The following MED13L variants were observed in gnomAD, a reference collection of about 807,000 sequenced individuals.
MED13L encodes mediator of RNA polymerase II transcription subunit 13-like.
MED13L carries 7 observed loss-of-function variants against 220.9 expected under a neutral mutation model. The ratio of observed to expected loss-of-function variants is 0.03; its 90% CI spans 0.02 to 0.06. The LOEUF is 0.06. Ranked by LOEUF, MED13L falls within the 10% of genes least tolerant of loss-of-function variation. MED13L has a pLI of 1.00. For synonymous variants in MED13L, 1,011 were observed against 1,015.2 expected, an observed-to-expected ratio of 1.00 and a Z score of 0.08; for missense variants, 1,965 against 2,760.5, an observed-to-expected ratio of 0.71 and a Z score of 6.46.
chr12:116,182,987 G>C (rs1880630304), intron 2 of MED13L, among the ~76,000 whole-genome samples: 1 of 152,084 alleles, frequency 6.6e-6, no homozygotes, highest in African/African-American at 2.4e-5. Flanking sequence ...CAGACAGGCA[G>C]TGAATGTTAA....
At position 116,138,458 on chromosome 12, in the gene MED13L, A is replaced by G. The variant is rs1056709605; in HGVS notation, c.311-26946T>C. Among the ~76,000 whole-genome samples the G allele has an allele frequency of 2.7e-3, 406 of 152,248 alleles. 3 individuals are homozygous for G. Among genetic ancestry groups the G allele is most frequent in the Non-Finnish European group, 1.3e-3 (91 of 68,010 alleles). ...GGGTGGTCCCTGGAATTCTCTCTCA[A>G]TGTTCTTTTCTGCAAGGGAAGCAGC... On this transcript the variant is annotated intron_variant, in intron 2 of 30. Transcript: ENST00000281928.
At chr12:116,109,269 C>T (rs1299344580) in intron 3 of MED13L, among the ~76,000 whole-genome samples, 1 of 151,450 alleles carries the variant, frequency 6.6e-6, no homozygotes, top group Non-Finnish European at 1.5e-5. Context: ...CATGGTCTCA[C>T]CATGTTTCCC....
chr12:116,256,390 A>C (rs1230916490), intron 1 of MED13L, among the ~76,000 whole-genome samples: 2 of 151,962 alleles, frequency 1.3e-5, no homozygotes, highest in African/African-American at 2.4e-5. Context: ...AAAGGGCAAA[A>C]TGATTCTACA....
chr12:115,990,294 T>C (rs1014967536), intron 17 of MED13L, among the ~76,000 whole-genome samples: 1 of 152,248 alleles, frequency 6.6e-6, no homozygotes, highest in Non-Finnish European at 1.5e-5. Flanking sequence ...CATGCTTTTA[T>C]CACTTATAAA....
At chr12:116,121,751 A>C (rs1233874077) in intron 2 of MED13L, among the ~76,000 whole-genome samples, 1 of 152,046 alleles carries the variant, frequency 6.6e-6, no homozygotes, top group African/African-American at 2.4e-5. Context: ...AACACTTCTT[A>C]CTCCCACCTA....
At chr12:116,233,837 CA>C (rs924362337) in intron 2 of MED13L, among the ~76,000 whole-genome samples, 1 of 152,166 alleles carries the variant, frequency 6.6e-6, no homozygotes, top group Non-Finnish European at 1.5e-5. Flanking sequence ...AACAATTCCC[CA>C]GACAGGAACC....
chr12:116,178,378 T>C (rs1185439600), intron 2 of MED13L, among the ~76,000 whole-genome samples: 3 of 152,240 alleles, frequency 2.0e-5, no homozygotes, highest in Non-Finnish European at 4.4e-5. Flanking sequence ...GCCAGAGTCC[T>C]AAGGACTTGC....
At chr12:116,052,671 T>G (rs957819257) in intron 4 of MED13L, among the ~76,000 whole-genome samples, 22 of 152,182 alleles carry the variant, frequency 1.4e-4, no homozygotes, top group Admixed American at 1.2e-3. Context: ...ATTACACCAT[T>G]TTGACAAATT....
intron 17 of MED13L, 66 bp downstream of exon 17, chr12:115,990,954 A>C: frequency 6.4e-7 from 1 of 1,552,474 alleles, no homozygotes. Context: ...TACAGTAAAG[A>C]AAGCTTTTAA....
chr12:116,155,444 T>C (rs1220432364), intron 2 of MED13L, among the ~76,000 whole-genome samples: 1 of 152,096 alleles, frequency 6.6e-6, no homozygotes, highest in Non-Finnish European at 1.5e-5. Flanking sequence ...TTCTCTTTAA[T>C]GTTCTGAATA....
Position 116,160,569 on chromosome 12 carries a change from G to A in MED13L, c.311-49057C>T, listed in dbSNP as rs1413909470. Among the ~76,000 whole-genome samples the A allele has an allele frequency of 5.3e-5, 8 of 149,686 alleles. No homozygotes were observed. The South Asian group carries it at 1.7e-3, about 32-fold the overall frequency. ...TGATCTGTAGGAAGAGGCTGGACTG[G>A]ATCCAAACTTTAATTTAAAAAAAAA... On this transcript the variant is annotated intron_variant, in intron 2 of 30. Transcript: ENST00000281928.
intron 2 of MED13L, among the ~76,000 whole-genome samples, chr12:116,222,186 G>A (rs1443421491): frequency 6.6e-6 from 1 of 152,168 alleles, no homozygotes; most frequent in Non-Finnish European, 1.5e-5. Context: ...GTTAAATCTA[G>A]CTGCTTTTCA....
intron 1 of MED13L, among the ~76,000 whole-genome samples, chr12:116,255,010 C>A (rs965932501): frequency 6.6e-6 from 1 of 152,002 alleles, no homozygotes; most frequent in Non-Finnish European, 1.5e-5. Flanking sequence ...ACAAATAAAT[C>A]CCCACAGAAA....
chr12:116,046,925 A>G (rs1881872118), intron 4 of MED13L, among the ~76,000 whole-genome samples: 1 of 152,188 alleles, frequency 6.6e-6, no homozygotes, highest in Non-Finnish European at 1.5e-5. Context: ...GTGAGCTGAG[A>G]TCGCACCAAT....
chr12:116,006,462 T>C, intron 11 of MED13L, 51 bp from the exon 12 acceptor site: 1 of 1,399,128 alleles, frequency 7.1e-7, no homozygotes, highest in Non-Finnish European at 1.0e-6. Flanking sequence ...ACCCAAAGTG[T>C]GAAATATGAG....
chr12:115,993,087 G>A (rs1878172701), intron 16 of MED13L, among the ~76,000 whole-genome samples: 1 of 152,042 alleles, frequency 6.6e-6, no homozygotes, highest in African/African-American at 2.4e-5. Flanking sequence ...GGCATTACAA[G>A]TAATCCAGAG....
intron 14 of MED13L, among the ~76,000 whole-genome samples, chr12:115,998,031 G>A (rs1878515215): frequency 6.6e-6 from 1 of 152,014 alleles, no homozygotes; most frequent in Non-Finnish European, 1.5e-5. Context: ...GCTCTTTTGG[G>A]GAAACAGTTC....
intron 2 of MED13L, among the ~76,000 whole-genome samples, chr12:116,134,887 T>C (rs1464678014): frequency 6.6e-6 from 1 of 151,992 alleles, no homozygotes; most frequent in Non-Finnish European, 1.5e-5. Context: ...CAACACCATG[T>C]GGCCGGGCGC....
chr12:116,160,184 C>CA (rs1047890330), intron 2 of MED13L, among the ~76,000 whole-genome samples: 6 of 152,114 alleles, frequency 3.9e-5, no homozygotes, highest in African/African-American at 1.4e-4. Flanking sequence ...TATAATAAAA[C>CA]AGACAGATAT....
Sources: allele counts gnomAD v4.1 joint callset (sites outside exome capture counted in the v4.1 genomes callset), GRCh38; gene constraint gnomAD v4.1.1; transcripts MANE v1.5; gene names NCBI Gene and HGNC (gene_info 2026-07-23, HGNC 2026-07-21).